ASIC2: variants seen among roughly 807,000 people sequenced by gnomAD.
ASIC2 encodes acid sensing ion channel subunit 2.
ASIC2 carries 25 observed loss-of-function variants against 57.3 expected under a neutral mutation model. The ratio of observed to expected loss-of-function variants is 0.44; its 90% confidence interval spans 0.32 to 0.61. The LOEUF is 0.61. Ranked by LOEUF, ASIC2 falls within the 20% of genes least tolerant of loss-of-function variation. The pLI, the probability that ASIC2 is intolerant of heterozygous loss-of-function variation, is 0.06. For missense variants in ASIC2, 641 were observed against 738.1 expected (o/e 0.87, Z 1.52); for synonymous variants, 319 against 307.5 (o/e 1.04, Z -0.39).
intron 1 of ASIC2, among the ~76,000 whole-genome samples, chr17:33,961,012 A>G (rs886338073): frequency 6.6e-6 from 1 of 152,208 alleles, no homozygotes; most frequent in East Asian, 1.9e-4. Flanking sequence ...AGTGGAGGAG[A>G]TCTAAATTAG....
intron 1 of ASIC2, among the ~76,000 whole-genome samples, chr17:33,762,442 A>T (rs1170863115): frequency 1.3e-5 from 2 of 152,190 alleles, no homozygotes; most frequent in East Asian, 3.9e-4. Context: ...TTTTATAGTG[A>T]GTTTGCTTAC....
At chr17:33,171,587 C>A (rs748081510) in intron 1 of ASIC2, among the ~76,000 whole-genome samples, 23 of 152,360 alleles carry the variant, frequency 1.5e-4, no homozygotes, top group Non-Finnish European at 1.6e-4. Context: ...AGGCACCAGC[C>A]TCCTGACAGG....
chr17:33,940,308 A>T (rs1916158182), intron 1 of ASIC2, among the ~76,000 whole-genome samples: 2 of 152,084 alleles, frequency 1.3e-5, no homozygotes, highest in Non-Finnish European at 2.9e-5. Flanking sequence ...TCCCTGTAGA[A>T]GCTGGTTGGC....
At chr17:33,027,091 G>A (rs927286442) in intron 4 of ASIC2, among the ~76,000 whole-genome samples, 2 of 152,154 alleles carry the variant, frequency 1.3e-5, no homozygotes, top group African/African-American at 4.8e-5. Context: ...GGCTGTAGGG[G>A]AGAATTCATT....
At chr17:33,309,540 T>C (rs957408085) in intron 1 of ASIC2, among the ~76,000 whole-genome samples, 1 of 151,914 alleles carries the variant, frequency 6.6e-6, no homozygotes, top group African/African-American at 2.4e-5. Context: ...ATTCATCATC[T>C]TCCTCCTTAT....
intron 1 of ASIC2, among the ~76,000 whole-genome samples, chr17:33,519,236 G>C (rs548224709): frequency 2.6e-5 from 4 of 152,350 alleles, no homozygotes; most frequent in Admixed American, 2.6e-4. Flanking sequence ...CTCATGGAGG[G>C]AGGCCATAAG....
chr17:33,538,775 T>C (rs770502917), intron 1 of ASIC2, among the ~76,000 whole-genome samples: 1 of 152,212 alleles, frequency 6.6e-6, no homozygotes, highest in Non-Finnish European at 1.5e-5. Flanking sequence ...ATCCATGCTC[T>C]CTTTTGAAGA....
At chr17:33,282,453 ATGTGTGTG>A (rs35692967) in intron 1 of ASIC2, among the ~76,000 whole-genome samples, 1 of 147,454 alleles carries the variant, frequency 6.8e-6, no homozygotes, top group South Asian at 2.2e-4. Flanking sequence ...CTCTGTGTGT[ATGTGTGTG>A]TGTGTGTGTG....
At chr17:34,033,879 A>C (rs1907739302) in intron 1 of ASIC2, among the ~76,000 whole-genome samples, 1 of 152,200 alleles carries the variant, frequency 6.6e-6, no homozygotes, top group Non-Finnish European at 1.5e-5. Context: ...ATAGCTTACC[A>C]ACCAAAAAAA....
chr17:33,342,422 G>A (rs1907760018), intron 1 of ASIC2, among the ~76,000 whole-genome samples: 1 of 152,044 alleles, frequency 6.6e-6, no homozygotes, highest in African/African-American at 2.4e-5. Context: ...TGTGGTTCTT[G>A]TGTGTTTGTA....
chr17:33,663,912 A>T (rs1907384407), intron 1 of ASIC2, among the ~76,000 whole-genome samples: 1 of 152,078 alleles, frequency 6.6e-6, no homozygotes, highest in South Asian at 2.1e-4. Context: ...CTCAGGCCCT[A>T]CCTACCGCCA....
At chr17:33,714,515 ATGG>A (rs1176178289) in intron 1 of ASIC2, among the ~76,000 whole-genome samples, 1 of 152,226 alleles carries the variant, frequency 6.6e-6, no homozygotes, top group Admixed American at 6.5e-5. Flanking sequence ...TACATACTGA[ATGG>A]TGCCATTTGT....
intron 1 of ASIC2, among the ~76,000 whole-genome samples, chr17:33,823,521 C>T (rs979761448): frequency 1.3e-5 from 2 of 152,200 alleles, no homozygotes; most frequent in African/African-American, 4.8e-5. Context: ...TTTCAGCTTC[C>T]AGCCGTGTCT....
At chr17:33,502,185 G>A (rs1308343870) in intron 1 of ASIC2, among the ~76,000 whole-genome samples, 1 of 152,150 alleles carries the variant, frequency 6.6e-6, no homozygotes, top group Non-Finnish European at 1.5e-5. Context: ...ACACTATGTG[G>A]ACAGTGATTC....
At chr17:34,121,856 A>G (rs139957854) in intron 1 of ASIC2, among the ~76,000 whole-genome samples, 7 of 152,332 alleles carry the variant, frequency 4.6e-5, no homozygotes, top group African/African-American at 2.4e-5. Context: ...TCTTGTTCAC[A>G]TAACAAACAT....
At chr17:34,126,758 T>C (rs1277243864) in intron 1 of ASIC2, among the ~76,000 whole-genome samples, 1 of 152,026 alleles carries the variant, frequency 6.6e-6, no homozygotes, top group East Asian at 1.9e-4. Flanking sequence ...TTCTCACAAT[T>C]TAGTGGGCAC....
chr17:33,782,594 C>G (rs769233336), intron 1 of ASIC2, among the ~76,000 whole-genome samples: 26 of 151,938 alleles, frequency 1.7e-4, no homozygotes, highest in Non-Finnish European at 3.1e-4. Flanking sequence ...CTGGGCTTGG[C>G]GGCATATGCC....
chr17:33,789,464 T>TCACACACACA (rs3064584), intron 1 of ASIC2, among the ~76,000 whole-genome samples: 6 of 144,514 alleles, frequency 4.2e-5, no homozygotes, highest in South Asian at 2.3e-4. Flanking sequence ...AGAATCATGG[T>TCACACACACA]CACACACACA....
chr17:33,405,407 T>C (rs538367475), intron 1 of ASIC2, among the ~76,000 whole-genome samples: 54 of 152,190 alleles, frequency 3.5e-4, no homozygotes, highest in Non-Finnish European at 6.5e-4. Flanking sequence ...CCTCACTAAC[T>C]GGAGAGAGAT....
Sources: gnomAD v4.1 joint callset for allele counts (sites outside exome capture counted in the v4.1 genomes callset) on GRCh38, gnomAD v4.1.1 for gene constraint, MANE v1.5 for transcripts, NCBI Gene and HGNC (gene_info 2026-07-23, HGNC 2026-07-21) for gene names.